Variants in UST observed in about 807,000 individuals in gnomAD.
The protein encoded by UST is chondroitin sulfate 2-O-sulfotransferase.
In UST, 21 loss-of-function variants were observed where a neutral mutation model predicts 45.6. That is an observed-to-expected ratio of 0.46 (90% CI 0.33 to 0.66). The LOEUF is 0.66. Ranked by LOEUF, UST falls within the 30% of genes least tolerant of loss-of-function variation. The pLI is 0.02. For missense variants in UST, 463 were observed against 512.4 expected (o/e 0.90, Z 0.93); for synonymous variants, 215 against 200.6 (o/e 1.07, Z -0.61).
In UST at chr6:148,936,548, GTCCC is replaced by G. The variant is rs1209822899; in HGVS notation, c.292-4723_292-4720del. Among the ~76,000 whole-genome samples, 143 of 141,754 alleles carry G rather than the reference GTCCC, an allele frequency of 1.0e-3. 1 individual carries two copies. The highest frequency in any genetic ancestry group is 1.9e-3 in the Non-Finnish European group (127 of 66,394). The allele number at this position is 141,754 out of a possible 152,430, so 93.0% of individuals were successfully genotyped here. ...TGTCACAGAACCTAGGACAGGGTCA[GTCCC>G]TCCCTCCTTAAAAATCAGTCCTTTT... On this transcript the variant is annotated intron_variant, in intron 2 of 7. Coordinates refer to ENST00000367463, the MANE Select transcript of UST (RefSeq NM_005715.3).
intron 2 of UST, among the ~76,000 whole-genome samples, chr6:148,923,049 C>G (rs1185002234): frequency 1.3e-5 from 2 of 152,140 alleles, no homozygotes; most frequent in Non-Finnish European, 2.9e-5. Flanking sequence ...CCACCCATCT[C>G]GGCCTCCCAA....
chr6:148,804,070 T>A (rs1014778937), intron 1 of UST, among the ~76,000 whole-genome samples: 2 of 152,150 alleles, frequency 1.3e-5, no homozygotes, highest in African/African-American at 4.8e-5. Context: ...TAAATGTTTG[T>A]TAAGTGAATA....
chr6:148,919,539 T>C (rs1036731511), intron 2 of UST, among the ~76,000 whole-genome samples: 4 of 152,202 alleles, frequency 2.6e-5, no homozygotes, highest in African/African-American at 9.7e-5. Context: ...AGAAGGTATG[T>C]CTTTAAGGTT....
intron 4 of UST, among the ~76,000 whole-genome samples, chr6:148,959,250 C>G (rs1160209499): frequency 1.3e-5 from 2 of 152,194 alleles, no homozygotes; most frequent in African/African-American, 4.8e-5. Context: ...TCAGACTTCG[C>G]TAATTCCACA....
intron 1 of UST, among the ~76,000 whole-genome samples, chr6:148,749,913 CCT>C (rs1465985031): frequency 6.6e-6 from 1 of 152,074 alleles, no homozygotes; most frequent in Non-Finnish European, 1.5e-5. Context: ...AAATTTGTTC[CCT>C]GTTACGTAAA....
intron 2 of UST, among the ~76,000 whole-genome samples, chr6:148,921,298 AT>A (rs749830061): frequency 3.3e-5 from 5 of 152,216 alleles, no homozygotes; most frequent in Non-Finnish European, 7.3e-5. Context: ...GTTGAGAATA[AT>A]TTAGTGCCAA....
At chr6:148,895,225 T>C (rs1779103238) in intron 2 of UST, among the ~76,000 whole-genome samples, 1 of 152,212 alleles carries the variant, frequency 6.6e-6, no homozygotes, top group Non-Finnish European at 1.5e-5. Flanking sequence ...AGCTGTGTTA[T>C]TAGCCCCAAC....
chr6:149,021,164 G>A (rs2115019937), intron 6 of UST, among the ~76,000 whole-genome samples, 160 bp from the exon 7 acceptor site: 2 of 152,308 alleles, frequency 1.3e-5, no homozygotes, highest in South Asian at 4.1e-4. Context: ...GGAAGGACTG[G>A]GAAGGCCCTG....
chr6:148,877,645 G>GT (rs2114827412), intron 1 of UST, among the ~76,000 whole-genome samples: 1 of 140,010 alleles, frequency 7.1e-6, no homozygotes, highest in Non-Finnish European at 1.6e-5. Context: ...ATGAGTGTGG[G>GT]GTCGTGTATG....
intron 2 of UST, among the ~76,000 whole-genome samples, chr6:148,927,170 G>A (rs1010885570): frequency 6.6e-6 from 1 of 151,970 alleles, no homozygotes; most frequent in Non-Finnish European, 1.5e-5. Flanking sequence ...AAGAGAGAGT[G>A]AGAAAGAGAG....
intron 1 of UST, among the ~76,000 whole-genome samples, chr6:148,776,914 T>A (rs958647954): frequency 2.6e-5 from 4 of 152,228 alleles, no homozygotes; most frequent in African/African-American, 9.6e-5. Context: ...CTCTTGGGTC[T>A]GTTGTAGGTT....
chr6:148,979,964 GA>G (rs1781097642), intron 5 of UST, among the ~76,000 whole-genome samples: 2 of 152,238 alleles, frequency 1.3e-5, no homozygotes, highest in Admixed American at 1.3e-4. Context: ...GTTAAAGCTC[GA>G]GTAACTCTTT....
At chr6:148,771,223 G>A (rs1019507061) in intron 1 of UST, among the ~76,000 whole-genome samples, 11 of 152,184 alleles carry the variant, frequency 7.2e-5, no homozygotes, top group Admixed American at 3.9e-4. Context: ...TGGCATTGAG[G>A]CTGTAATTTC....
chr6:148,924,080 C>G (rs146269624), intron 2 of UST, among the ~76,000 whole-genome samples: 21 of 152,236 alleles, frequency 1.4e-4, no homozygotes, highest in Non-Finnish European at 2.6e-4. Flanking sequence ...AATTTTATGT[C>G]TTATCCTAAG....
chr6:148,979,308 T>C lies in UST; in HGVS notation c.681+14745T>C, dbSNP rs180737392. 1.2e-3 allele frequency among the ~76,000 whole-genome samples: 177 copies of C among 152,318 alleles called. 1 individual carries two copies. Among genetic ancestry groups the C allele is most frequent in the African/African-American group, 4.2e-3 (176 of 41,562 alleles). ...TGCAGACTAGAACCATAATTCACAG[T>C]TTTGCAATACAAAGGAAAGATGAAA... On this transcript the variant is annotated intron_variant, in intron 5 of 7. Transcript: ENST00000367463.
chr6:149,062,736 A>C (rs1274319558), intron 7 of UST, among the ~76,000 whole-genome samples: 1 of 152,350 alleles, frequency 6.6e-6, no homozygotes, highest in East Asian at 1.9e-4. Context: ...CAGAAAGCCC[A>C]CTTTCCAGTG....
intron 1 of UST, among the ~76,000 whole-genome samples, chr6:148,861,113 A>G (rs1319144523): frequency 6.6e-6 from 1 of 152,148 alleles, no homozygotes; most frequent in Non-Finnish European, 1.5e-5. Flanking sequence ...TCAGACGTGA[A>G]TTCGTCTGGT....
At chr6:148,994,996 A>C (rs1393047252) in intron 5 of UST, among the ~76,000 whole-genome samples, 1 of 151,940 alleles carries the variant, frequency 6.6e-6, no homozygotes, top group East Asian at 1.9e-4. Context: ...CCCCATAGCC[A>C]TCCTGTAAAA....
intron 1 of UST, among the ~76,000 whole-genome samples, chr6:148,881,460 A>G (rs1275813513): frequency 6.6e-6 from 1 of 152,194 alleles, no homozygotes; most frequent in East Asian, 1.9e-4. Context: ...TGATTTACCC[A>G]TAGAGGCCTC....
Sources: allele counts gnomAD v4.1 joint callset (sites outside exome capture counted in the v4.1 genomes callset), GRCh38; gene constraint gnomAD v4.1.1; transcripts MANE v1.5; gene names NCBI Gene and HGNC (gene_info 2026-07-23, HGNC 2026-07-21).